Variants in PCDH9 observed in about 807,000 individuals in gnomAD.
PCDH9 encodes the protein protocadherin 9.
PCDH9 carries 24 observed loss-of-function variants against 70.6 expected under a neutral mutation model. The ratio of observed to expected loss-of-function variants is 0.34; its 90% CI spans 0.25 to 0.48. The LOEUF is 0.48. Ranked by LOEUF, PCDH9 falls within the 20% of genes least tolerant of loss-of-function variation. PCDH9 has a pLI of 0.99. For missense variants in PCDH9, 1,281 were observed against 1,503.6 expected, an observed-to-expected ratio of 0.85 and a Z score of 2.45; for synonymous variants, 562 against 558.5, an observed-to-expected ratio of 1.01 and a Z score of -0.09.
At chr13:67,048,324 G>A (rs1316653187) in intron 2 of PCDH9, among the ~76,000 whole-genome samples, 2 of 152,114 alleles carry the variant, frequency 1.3e-5, no homozygotes, top group African/African-American at 4.8e-5. Context: ...TGCAAACACT[G>A]CATTTTTCCA....
chr13:66,435,148 T>C (rs1211823472), intron 4 of PCDH9, among the ~76,000 whole-genome samples: 3 of 152,128 alleles, frequency 2.0e-5, no homozygotes, highest in Admixed American at 2.0e-4. Flanking sequence ...GAGGGAATGA[T>C]AGCAACAATG....
intron 4 of PCDH9, among the ~76,000 whole-genome samples, chr13:66,378,068 A>C (rs538225264): frequency 5.3e-5 from 8 of 152,310 alleles, no homozygotes; most frequent in African/African-American, 1.9e-4. Flanking sequence ...AGAGAAAGGA[A>C]AATTTATTCA....
At chr13:66,700,958 ATATATAT>A in intron 3 of PCDH9, among the ~76,000 whole-genome samples, 1 of 127,832 alleles carries the variant, frequency 7.8e-6, no homozygotes, top group South Asian at 2.5e-4. Flanking sequence ...ATATATATAT[ATATATAT>A]ATATACTTTT....
intron 4 of PCDH9, among the ~76,000 whole-genome samples, chr13:66,517,387 G>C (rs1959788060): frequency 6.6e-6 from 1 of 152,036 alleles, no homozygotes; most frequent in Admixed American, 6.6e-5. Flanking sequence ...ACACATTTGG[G>C]TTGCATAATT....
chr13:66,359,274 G>T (rs1306586415), intron 4 of PCDH9, among the ~76,000 whole-genome samples: 1 of 151,832 alleles, frequency 6.6e-6, no homozygotes, highest in Non-Finnish European at 1.5e-5. Context: ...TTCTTAGTTT[G>T]AAAGAATATC....
intron 2 of PCDH9, among the ~76,000 whole-genome samples, chr13:67,167,508 C>A (rs544443065): frequency 1.3e-5 from 2 of 152,098 alleles, no homozygotes; most frequent in African/African-American, 4.8e-5. Context: ...TTTCATCAAA[C>A]TTTTCCTTAA....
At chr13:66,730,436 G>A (rs2079057416) in intron 3 of PCDH9, among the ~76,000 whole-genome samples, 2 of 152,004 alleles carry the variant, frequency 1.3e-5, no homozygotes, top group South Asian at 4.1e-4. Flanking sequence ...TACACAGTTT[G>A]CATATCTCAG....
At chr13:66,856,408 T>C (rs1380590831) in intron 3 of PCDH9, among the ~76,000 whole-genome samples, 1 of 152,048 alleles carries the variant, frequency 6.6e-6, no homozygotes, top group Non-Finnish European at 1.5e-5. Context: ...TAATAATTAG[T>C]TTCTCTGATC....
intron 3 of PCDH9, among the ~76,000 whole-genome samples, chr13:66,894,972 G>A (rs780117284): frequency 2.6e-5 from 4 of 151,854 alleles, no homozygotes. Context: ...CATGCCTGAT[G>A]AATTTTTCTA....
chr13:67,104,120 T>C (rs1292747643), intron 2 of PCDH9, among the ~76,000 whole-genome samples: 1 of 152,168 alleles, frequency 6.6e-6, no homozygotes, highest in Non-Finnish European at 1.5e-5. Flanking sequence ...ATGAGACTCA[T>C]ATGAAGAACC....
At chr13:66,822,177 TAC>T (rs1346795518) in intron 3 of PCDH9, among the ~76,000 whole-genome samples, 2 of 151,412 alleles carry the variant, frequency 1.3e-5, no homozygotes. Context: ...TAGACATAAC[TAC>T]TAAGATTTTC....
In PCDH9 at chr13:67,227,753, G is replaced by T; in HGVS notation, c.688C>A (p.Pro230Thr). ...AGTATGGCCGTACTGGATTTCTGTG[G>T]AGTGCCTCCATCCTCTACTTTGATT... ...MKIKVEDGGT[P>T]QKSSTAILQV... Residue 230 changes from proline (P) to threonine (T), a missense_variant, in exon 2 of 5, where the codon CCA (proline) becomes ACA (threonine). Transcript: ENST00000377865. This position sits in a 1 kb window ranked among gnomAD's most constrained non-coding sequence, Gnocchi z 4.6. 2 of 1,613,548 alleles carry T rather than the reference G, an allele frequency of 1.2e-6. No homozygotes were observed. Among genetic ancestry groups the T allele is most frequent in the Non-Finnish European group, 1.7e-6 (2 of 1,179,494 alleles).
chr13:66,602,060 G>A (rs1326087223), intron 4 of PCDH9, among the ~76,000 whole-genome samples: 1 of 146,060 alleles, frequency 6.8e-6, no homozygotes, highest in African/African-American at 2.5e-5. Flanking sequence ...GCCTAGCTAA[G>A]GCTCTTTTAG....
intron 4 of PCDH9, among the ~76,000 whole-genome samples, chr13:66,330,833 C>T (rs1483444180): frequency 1.3e-5 from 2 of 152,106 alleles, no homozygotes; most frequent in Non-Finnish European, 2.9e-5. Context: ...TCACATCCAG[C>T]CTTAGCACAA....
intron 3 of PCDH9, among the ~76,000 whole-genome samples, chr13:66,741,002 T>C (rs2079255103): frequency 5.3e-5 from 3 of 56,926 alleles, no homozygotes; most frequent in South Asian, 8.9e-4. Context: ...GAGGCCAGCA[T>C]CATTCTGATA....
At chr13:66,805,212 G>A (rs1206470557) in intron 3 of PCDH9, among the ~76,000 whole-genome samples, 1 of 152,114 alleles carries the variant, frequency 6.6e-6, no homozygotes, top group African/African-American at 2.4e-5. Context: ...ATTTTGCAGT[G>A]TTTCCTAAAG....
At chr13:66,519,495 A>AC (rs200211307) in intron 4 of PCDH9, among the ~76,000 whole-genome samples, 1,635 of 152,196 alleles carry the variant, frequency 0.011, 38 homozygotes, top group East Asian at 0.09. Context: ...CCTTGGGTAA[A>AC]CACTTAGAGC....
At chr13:66,945,535 G>A (rs1009969347) in intron 2 of PCDH9, among the ~76,000 whole-genome samples, 3 of 151,864 alleles carry the variant, frequency 2.0e-5, no homozygotes, top group Non-Finnish European at 4.4e-5. Context: ...TTTTATCTAC[G>A]TGTATCCATA....
chr13:66,782,729 T>C (rs1292863769), intron 3 of PCDH9: 2 of 152,274 alleles, frequency 1.3e-5, no homozygotes, highest in South Asian at 2.1e-4. Context: ...TGGCTCATAT[T>C]ACAATTCTAT....
Sources: gnomAD v4.1 joint callset for allele counts (sites outside exome capture counted in the v4.1 genomes callset) on GRCh38, gnomAD v4.1.1 for gene constraint, Gnocchi (gnomAD v3.1) non-coding constraint, MANE v1.5 for transcripts, NCBI Gene and HGNC (gene_info 2026-07-23, HGNC 2026-07-21) for gene names.